RANBP17: variants seen among roughly 807,000 people sequenced by gnomAD.
The protein encoded by RANBP17 is RAN binding protein 17.
RANBP17 carries 158 observed loss-of-function variants against 141.2 expected under a neutral mutation model. The ratio of observed to expected loss-of-function variants is 1.12; its 90% CI spans 0.98 to 1.28. RANBP17 has a LOEUF of 1.28. Among genes scored for constraint, RANBP17 ranks in the 50% most tolerant of loss-of-function variants. The probability of loss-of-function intolerance (pLI) is 0.00; values close to 1 mark genes in which losing one functional copy is unlikely to be tolerated. For synonymous variants in RANBP17, 430 were observed against 450.0 expected, an observed-to-expected ratio of 0.96 and a Z score of 0.56; for missense variants, 1,438 against 1,290.7, an observed-to-expected ratio of 1.11 and a Z score of -1.75.
chr5:170,892,169 T>C (rs1219954343), intron 3 of RANBP17, among the ~76,000 whole-genome samples: 1 of 151,310 alleles, frequency 6.6e-6, no homozygotes, highest in Non-Finnish European at 1.5e-5. Flanking sequence ...CTGGGATACA[T>C]GTGCTGAACA....
intron 3 of RANBP17, among the ~76,000 whole-genome samples, chr5:170,886,835 A>T (rs909794816): frequency 7.3e-5 from 11 of 150,236 alleles, no homozygotes; most frequent in South Asian, 4.2e-4. Context: ...AAGTTTTTGT[A>T]TTTTTTTTCT....
In RANBP17 at chr5:171,138,590, A is replaced by G. The variant is rs555921256; in HGVS notation, c.1711-31540A>G. ...AAAGCATCCTTCATAGTGCAGGCTT[A>G]GAGAACGAAAGCAACAGTGAAAGGG... is the stretch of plus-strand genomic sequence containing the variant. On this transcript the variant is annotated intron_variant, in intron 14 of 27. Transcript: ENST00000523189. 4.0e-5 allele frequency among the ~76,000 whole-genome samples: 6 copies of G among 151,346 alleles called. No homozygotes were observed. The South Asian group carries it at 1.0e-3, about 26-fold the overall frequency.
chr5:171,169,565 G>A (rs1759950395), intron 14 of RANBP17, among the ~76,000 whole-genome samples: 1 of 152,136 alleles, frequency 6.6e-6, no homozygotes, highest in Admixed American at 6.6e-5. Flanking sequence ...CCCTGAGCTT[G>A]GGATTTCAGT....
In RANBP17 at chr5:170,893,003, C is replaced by G. The variant is rs144758900; in HGVS notation, c.423+450C>G. Among the ~76,000 whole-genome samples the G allele has an allele frequency of 4.1e-3, 619 of 152,180 alleles. 5 individuals carry two copies. The highest frequency in any genetic ancestry group is 0.014 in the African/African-American group (597 of 41,532). ...CAGCTAGCATTTAATAAGCCTCCAA[C>G]TTACGATAAATTTTTTAATTTTTTA... is the stretch of plus-strand genomic sequence containing the variant. On this transcript the variant is annotated intron_variant, in intron 4 of 27. Transcript: ENST00000523189.
At chr5:171,291,397 C>G (rs1241950148) in intron 25 of RANBP17, among the ~76,000 whole-genome samples, 1 of 152,170 alleles carries the variant, frequency 6.6e-6, no homozygotes, top group African/African-American at 2.4e-5. Context: ...AGATTTGAAA[C>G]AGCCATTCCA....
rs748092045 is a variant in RANBP17 at position 171,265,666 on chromosome 5, T to A, written c.2777-15T>A. The A allele has an allele frequency of 6.4e-7, 1 of 1,568,218 alleles. No homozygotes were observed. The highest frequency in any genetic ancestry group is 1.2e-5 in the South Asian group (1 of 83,868). Reference sequence around the variant, plus strand: ...TTAAGTAATGCAAATGAATTCTTATTTACTATTTGTACAGATACAGTTGTC... The same window carrying A: ...TTAAGTAATGCAAATGAATTCTTATATACTATTTGTACAGATACAGTTGTC... On this transcript the variant is annotated splice_polypyrimidine_tract_variant and intron_variant, in intron 24 of 27. Transcript: ENST00000523189.
intron 24 of RANBP17, among the ~76,000 whole-genome samples, chr5:171,247,728 T>G (rs2128000785): frequency 6.6e-6 from 1 of 152,254 alleles, no homozygotes; most frequent in African/African-American, 2.4e-5. Flanking sequence ...ACTCCTTCAT[T>G]CAGTAATTAT....
chr5:171,002,029 C>T (rs942450037), intron 14 of RANBP17, among the ~76,000 whole-genome samples: 7 of 151,846 alleles, frequency 4.6e-5, no homozygotes, highest in Non-Finnish European at 8.8e-5. Flanking sequence ...GGGAGGGGGC[C>T]TGAACAATCC....
At chr5:170,939,762 T>C (rs1212247302) in intron 12 of RANBP17, among the ~76,000 whole-genome samples, 3 of 152,054 alleles carry the variant, frequency 2.0e-5, no homozygotes, top group Admixed American at 2.0e-4. Context: ...AAGAACAGAA[T>C]AAAAACATGA....
chr5:171,231,099 G>A lies in RANBP17; in HGVS notation c.2422+9259G>A, dbSNP rs143026351. The stretch of plus-strand genomic sequence containing the variant: ...CTACAGGCACGTACCACCATGCCTG[G>A]CTTTTTTTTTTTTTTTTTTGTAATT... On this transcript the variant is annotated intron_variant, in intron 22 of 27. Coordinates refer to ENST00000523189, the MANE Select transcript of RANBP17 (RefSeq NM_022897.5). Among the ~76,000 whole-genome samples the A allele has an allele frequency of 7.6e-3, 982 of 130,018 alleles. 10 individuals carry two copies. The highest frequency in any genetic ancestry group is 0.025 in the African/African-American group (946 of 37,766). The allele number at this position is 130,018 out of a possible 152,430, so 85.3% of individuals were successfully genotyped here. A position where few individuals can be genotyped will look rare whatever the true frequency, so the allele number is the denominator to read the frequency against.
chr5:170,997,772 C>T (rs943578412), intron 14 of RANBP17, among the ~76,000 whole-genome samples: 3 of 151,986 alleles, frequency 2.0e-5, no homozygotes, highest in Non-Finnish European at 4.4e-5. Context: ...GAAAACAATA[C>T]ACAGTATTAA....
intron 22 of RANBP17, among the ~76,000 whole-genome samples, chr5:171,226,941 A>G (rs914521991): frequency 3.9e-5 from 6 of 152,336 alleles, no homozygotes; most frequent in South Asian, 2.1e-4. Flanking sequence ...CAGTGCCAGC[A>G]TATGATTTCT....
At chr5:170,903,146 A>G (rs1770787259) in intron 5 of RANBP17, among the ~76,000 whole-genome samples, 1 of 152,192 alleles carries the variant, frequency 6.6e-6, no homozygotes, top group Admixed American at 6.5e-5. Flanking sequence ...TGGGAGTTTT[A>G]TATATAAGCC....
intron 22 of RANBP17, among the ~76,000 whole-genome samples, chr5:171,224,305 G>A (rs891956710): frequency 4.6e-5 from 7 of 152,328 alleles, no homozygotes; most frequent in African/African-American, 1.7e-4. Flanking sequence ...CTATGCATAT[G>A]TTAGATTCCT....
intron 14 of RANBP17, among the ~76,000 whole-genome samples, chr5:171,089,961 G>C (rs2591496): frequency 6.6e-6 from 1 of 152,048 alleles, no homozygotes; most frequent in Non-Finnish European, 1.5e-5. Flanking sequence ...AGCTGTTCCT[G>C]TTCGGCCATC....
intron 24 of RANBP17, among the ~76,000 whole-genome samples, chr5:171,248,182 C>A (rs1024801108): frequency 6.6e-6 from 1 of 151,952 alleles, no homozygotes; most frequent in Admixed American, 6.6e-5. Context: ...CTGGCTAACA[C>A]GGTGAAACCT....
At chr5:171,243,633 T>C (rs1765022973) in intron 24 of RANBP17, among the ~76,000 whole-genome samples, 1 of 152,244 alleles carries the variant, frequency 6.6e-6, no homozygotes, top group Non-Finnish European at 1.5e-5. Context: ...AGCATTTTGC[T>C]GTCACCAACA....
At position 171,074,644 on chromosome 5, in the gene RANBP17, AG is replaced by A. The variant is rs527990482; in HGVS notation, c.1711-95484del. ...TCAAGACAAAATGTTTATTTAATAA[AG>A]GTACATTCTGTCAACAAATATTTAT... On this transcript the variant is annotated intron_variant, in intron 14 of 27. Transcript: ENST00000523189. 2.2e-4 allele frequency among the ~76,000 whole-genome samples: 33 copies of A among 152,348 alleles called. 1 individual carries two copies. The East Asian group carries it at 4.2e-3, about 20-fold the overall frequency.
At chr5:170,986,901 A>G (rs894128463) in intron 14 of RANBP17, among the ~76,000 whole-genome samples, 1 of 151,868 alleles carries the variant, frequency 6.6e-6, no homozygotes, top group Non-Finnish European at 1.5e-5. Flanking sequence ...ACATTTCATG[A>G]TAGTATCTTC....
Sources: allele counts gnomAD v4.1 joint callset (sites outside exome capture counted in the v4.1 genomes callset), GRCh38; gene constraint gnomAD v4.1.1; transcripts MANE v1.5; gene names NCBI Gene and HGNC (gene_info 2026-07-23, HGNC 2026-07-21).